Variants in PCDHA10 observed in about 807,000 individuals in gnomAD.
PCDHA10 encodes protocadherin alpha 10.
PCDHA10 carries 45 observed loss-of-function variants against 61.2 expected under a neutral mutation model. The ratio of observed to expected loss-of-function variants is 0.74; its 90% CI spans 0.58 to 0.94. The LOEUF is 0.94. PCDHA10 is among the 40% of genes least tolerant of loss of function. PCDHA10 has a pLI of 0.00. For synonymous variants in PCDHA10, 602 were observed against 548.8 expected (o/e 1.10, Z -1.35); for missense variants, 1,278 against 1,236.2 (o/e 1.03, Z -0.51).
Position 140,963,600 on chromosome 5 carries a change from G to A in PCDHA10, c.2389-15349G>A, listed in dbSNP as rs111244023. Among the ~76,000 whole-genome samples, 12 of 152,298 alleles carry A rather than the reference G, an allele frequency of 7.9e-5. No homozygotes were observed. In the South Asian group the frequency reaches 1.7e-3, roughly 21 times the overall value. ...CAAAATGTAGGATATAGTTCTAGAC[G>A]TAATTGGGAAAGCTTAACTTTGTTG... On this transcript the variant is annotated intron_variant, in intron 1 of 3. Transcript: ENST00000307360.
At chr5:140,927,290 T>C in intron 1 of PCDHA10, 1 of 1,614,054 alleles carries the variant, frequency 6.2e-7, no homozygotes, top group South Asian at 1.1e-5. Flanking sequence ...CAGCTGCACA[T>C]CCCCGAGTTC....
chr5:140,937,964 A>G (rs1298140144), intron 1 of PCDHA10, among the ~76,000 whole-genome samples: 1 of 152,164 alleles, frequency 6.6e-6, no homozygotes, highest in East Asian at 1.9e-4. Flanking sequence ...GAAAGTATAT[A>G]GAAATAATAC....
chr5:140,875,556 C>A (rs781896642), intron 1 of PCDHA10: 2 of 1,614,010 alleles, frequency 1.2e-6, no homozygotes, highest in Non-Finnish European at 1.7e-6. Context: ...AGGTGGGGAG[C>A]GGCCAGCTCC....
intron 3 of PCDHA10, among the ~76,000 whole-genome samples, chr5:141,007,495 G>T (rs2098332812): frequency 6.6e-6 from 1 of 151,988 alleles, no homozygotes; most frequent in Non-Finnish European, 1.5e-5. Flanking sequence ...TTGGACCTAG[G>T]AGGCAGAGAC....
chr5:140,922,257 G>A (rs2080747240), intron 1 of PCDHA10, among the ~76,000 whole-genome samples: 5 of 152,172 alleles, frequency 3.3e-5, no homozygotes, highest in Admixed American at 3.3e-4. Context: ...AAGTTACTAA[G>A]TGCCATGAAG....
chr5:140,973,406 T>C (rs1205127002), intron 1 of PCDHA10, among the ~76,000 whole-genome samples: 1 of 152,240 alleles, frequency 6.6e-6, no homozygotes, highest in Non-Finnish European at 1.5e-5. Flanking sequence ...ATCTATGAGC[T>C]TCCACTCCAG....
intron 3 of PCDHA10, among the ~76,000 whole-genome samples, chr5:140,995,400 C>T (rs2097681723): frequency 6.6e-6 from 1 of 152,062 alleles, no homozygotes; most frequent in Admixed American, 6.6e-5. Flanking sequence ...CGGGATGGCT[C>T]GAGATTTCAT....
intron 1 of PCDHA10, among the ~76,000 whole-genome samples, chr5:140,900,537 A>G (rs2068113323): frequency 6.6e-6 from 1 of 152,204 alleles, no homozygotes; most frequent in African/African-American, 2.4e-5. Context: ...TCGGCTTTCC[A>G]AAGTGCTGGG....
chr5:140,949,630 T>C (rs549897729), intron 1 of PCDHA10, among the ~76,000 whole-genome samples: 2 of 152,016 alleles, frequency 1.3e-5, no homozygotes, highest in South Asian at 4.1e-4. Flanking sequence ...TTTCATGGCA[T>C]ATTGCTTTTT....
intron 1 of PCDHA10, chr5:140,862,842 G>A (rs1554157108): frequency 1.7e-6 from 1 of 572,982 alleles, no homozygotes. Flanking sequence ...CGGGCATGCC[G>A]CCTCTGAGCA....
intron 1 of PCDHA10, among the ~76,000 whole-genome samples, chr5:140,914,944 CT>C (rs35695909): frequency 0.29 from 37,051 of 128,010 alleles, 4,894 homozygotes; most frequent in East Asian, 0.5. Flanking sequence ...GAAAAGTTGT[CT>C]TTTTTTTTTT....
chr5:140,873,436 A>G (rs1159512158), intron 1 of PCDHA10, among the ~76,000 whole-genome samples: 1 of 152,214 alleles, frequency 6.6e-6, no homozygotes, highest in Non-Finnish European at 1.5e-5. Flanking sequence ...TTTATATCAC[A>G]TAAATAACAA....
intron 1 of PCDHA10, chr5:140,969,571 G>A: frequency 9.5e-7 from 1 of 1,050,970 alleles, no homozygotes; most frequent in Non-Finnish European, 1.3e-6. Context: ...AATTGTTTGA[G>A]AAGTGAGGAT....
At chr5:141,005,228 C>G (rs974482410) in intron 3 of PCDHA10, among the ~76,000 whole-genome samples, 11 of 152,182 alleles carry the variant, frequency 7.2e-5, no homozygotes, top group Admixed American at 2.0e-4. Flanking sequence ...TACTAAACAC[C>G]TGTTATGGGC....
chr5:140,907,087 G>A (rs1554192866), intron 1 of PCDHA10, among the ~76,000 whole-genome samples: 2 of 152,194 alleles, frequency 1.3e-5, no homozygotes, highest in Non-Finnish European at 2.9e-5. Flanking sequence ...GTGATGGTAA[G>A]TGGTGCCACT....
chr5:140,950,040 C>A (rs1053592525), intron 1 of PCDHA10, among the ~76,000 whole-genome samples: 2 of 151,718 alleles, frequency 1.3e-5, no homozygotes, highest in Non-Finnish European at 3.0e-5. Flanking sequence ...AAGTTACAAC[C>A]ATATAAGACT....
intron 1 of PCDHA10, chr5:140,966,173 A>C (rs2095976741): frequency 5.4e-6 from 1 of 184,728 alleles, no homozygotes; most frequent in Admixed American, 6.2e-5. Context: ...TTTCCTGGGG[A>C]GCTGATAGCC....
rs2044175443 is a variant in PCDHA10 at position 140,856,747 on chromosome 5, T to C, written c.699T>C (p.Asp233=). ...GSVSLLILVL[D]ANDNAPIFDR... ...TTTCTCTGCTGATCCTGGTGTTAGA[T>C]GCCAATGATAACGCCCCTATCTTTG... The change falls in exon 1 of 4, where the codon GAT becomes GAC. Residue 233 remains aspartate, a synonymous_variant. Transcript: ENST00000307360. 4 of 1,596,640 alleles carry C rather than the reference T, an allele frequency of 2.5e-6. No individual in the cohort carries two copies. The highest frequency in any genetic ancestry group is 3.4e-6 in the Non-Finnish European group (4 of 1,166,476).
intron 1 of PCDHA10, among the ~76,000 whole-genome samples, chr5:140,872,037 G>T (rs1554166004): frequency 1.3e-5 from 2 of 152,238 alleles, no homozygotes; most frequent in African/African-American, 2.4e-5. Context: ...TAAGCTCAAA[G>T]AATTCTCCCA....
Sources: allele counts gnomAD v4.1 joint callset (sites outside exome capture counted in the v4.1 genomes callset), GRCh38; gene constraint gnomAD v4.1.1; transcripts MANE v1.5; gene names NCBI Gene and HGNC (gene_info 2026-07-23, HGNC 2026-07-21).